The following RTN4 variants were observed in gnomAD, a reference collection of about 807,000 sequenced individuals.
The protein encoded by RTN4 is reticulon-4.
RTN4 carries 32 observed loss-of-function variants against 90.4 expected under a neutral mutation model. The ratio of observed to expected loss-of-function variants is 0.35; its 90% CI spans 0.27 to 0.48. The LOEUF is 0.48. Among genes scored for constraint, RTN4 ranks in the 20% least tolerant of loss-of-function variants. RTN4 has a pLI of 0.99. For synonymous variants in RTN4, 629 were observed against 552.5 expected, an observed-to-expected ratio of 1.14 and a Z score of -1.94; for missense variants, 1,706 against 1,430.2, an observed-to-expected ratio of 1.19 and a Z score of -3.11.
At chr2:54,982,979 G>T (rs899737981) in intron 4 of RTN4, among the ~76,000 whole-genome samples, 1 of 151,894 alleles carries the variant, frequency 6.6e-6, no homozygotes, top group African/African-American at 2.4e-5. Flanking sequence ...ATAAAGTGGA[G>T]ATTATCATGA....
rs1487959519 is a variant in RTN4 at position 55,025,886 on chromosome 2, G to C, written c.2213C>G (p.Ser738Cys). The change falls in exon 3 of 9, where the codon TCC (serine) becomes TGC (cysteine). Residue 738 changes from serine to cysteine, a missense_variant. Physicochemically the swap from Ser to Cys is moderately radical, Grantham distance 112. Transcript: ENST00000337526. ...GTCAACTGGTTCAGAATCAGGTGAGGAATCTTCAACTAGCTCAGAATGATC... is the reference window on the plus strand; with the variant it reads ...GTCAACTGGTTCAGAATCAGGTGAGCAATCTTCAACTAGCTCAGAATGATC... ...VPDHSELVED[S>C]SPDSEPVDLF... 1.2e-6 allele frequency: 2 copies of C among 1,613,668 alleles called. No individual in the cohort carries two copies. Among genetic ancestry groups the C allele is most frequent in the Admixed American group, 3.3e-5 (2 of 59,942 alleles).
chr2:55,129,843 G>A, the RTN4 span, among the ~76,000 whole-genome samples: 8 of 152,142 alleles, frequency 5.3e-5, no homozygotes, highest in Admixed American at 1.3e-4. Context: ...TTACAGGCGT[G>A]AGCCACCGTG....
chr2:55,085,788 C>T (rs1346746009), intron 1 of RTN4, among the ~76,000 whole-genome samples: 3 of 152,140 alleles, frequency 2.0e-5, no homozygotes, highest in South Asian at 4.1e-4. Flanking sequence ...AAGGCCTGGC[C>T]CCTTTCTAAC....
At position 55,049,945 on chromosome 2, in the gene RTN4, G is replaced by C. The variant is rs1668006965; in HGVS notation, c.356C>G (p.Ala119Gly). 8.1e-6 allele frequency: 11 copies of C among 1,350,850 alleles called. 1 individual carries two copies. The South Asian group carries it at 2.0e-4, about 24-fold the overall frequency. The allele number at this position is 1,350,850 out of a possible 1,614,324, so 83.7% of individuals were successfully genotyped here. A position where few individuals can be genotyped will look rare whatever the true frequency, so the allele number is the denominator to read the frequency against. Residue 119 changes from alanine (A) to glycine (G), a missense_variant, in exon 1 of 9, where the codon GCG (alanine) becomes GGG (glycine). Physicochemically the swap from Ala to Gly is moderately conservative, Grantham distance 60 (BLOSUM62 0). Transcript: ENST00000337526. ...TGCGGCAGCAGACAGCGGGGATGGC[G>C]CGGGCACGGTCGACGACACCGGGCT... is the stretch of plus-strand genomic sequence containing the variant. ...DPSPVSSTVP[A>G]PSPLSAAAVS...
intron 1 of RTN4, among the ~76,000 whole-genome samples, chr2:55,085,898 T>C (rs2105037398): frequency 1.3e-5 from 2 of 152,346 alleles, no homozygotes; most frequent in South Asian, 4.1e-4. Flanking sequence ...AATATGTTCA[T>C]AAATACATCT....
chr2:55,033,194 T>C (rs1682448092), intron 1 of RTN4, among the ~76,000 whole-genome samples: 1 of 151,600 alleles, frequency 6.6e-6, no homozygotes, highest in South Asian at 2.1e-4. Context: ...AGGGTCAAAC[T>C]GAAAATCAAA....
At chr2:55,001,189 T>C (rs2104747445) in intron 3 of RTN4, among the ~76,000 whole-genome samples, 2 of 152,306 alleles carry the variant, frequency 1.3e-5, no homozygotes, top group South Asian at 4.1e-4. Flanking sequence ...CAATGTTTAC[T>C]ATTCATTTTA....
In RTN4 at chr2:54,974,506, C is replaced by A. The variant is rs551192845; in HGVS notation, c.3430+189G>T. ...ATGTTAGCCAGGCTGGTCTCGAACT[C>A]CTGGCCCCAGGTGATCCGCCCACCT... On this transcript the variant is annotated intron_variant, in intron 6 of 8. Transcript: ENST00000337526. Among the ~76,000 whole-genome samples, 114 of 152,362 alleles carry A rather than the reference C, an allele frequency of 7.5e-4. No individual in the cohort carries two copies. The Middle Eastern group carries it at 0.017, about 23-fold the overall frequency.
At chr2:55,131,453 C>T in the RTN4 span, among the ~76,000 whole-genome samples, 3 of 152,088 alleles carry the variant, frequency 2.0e-5, no homozygotes, top group African/African-American at 7.2e-5. Flanking sequence ...AGTGATCCTT[C>T]CTCCTGGGCC....
intron 2 of RTN4, among the ~76,000 whole-genome samples, chr2:55,061,298 A>G (rs1668287388): frequency 6.6e-6 from 1 of 152,158 alleles, no homozygotes. Flanking sequence ...TCCTGACCTC[A>G]GGTGATCCAC....
intron 1 of RTN4, 30 bp downstream of exon 1, chr2:55,049,715 C>T: frequency 2.1e-6 from 3 of 1,401,864 alleles, no homozygotes; most frequent in Admixed American, 3.0e-5. Context: ...GCGCGAGGGG[C>T]GGCGCGAAGC....
intron 1 of RTN4, among the ~76,000 whole-genome samples, chr2:55,108,944 G>C (rs781569231): frequency 3.3e-5 from 5 of 152,070 alleles, no homozygotes; most frequent in Non-Finnish European, 7.3e-5. Flanking sequence ...TGTGCAAAGA[G>C]AAGATCAAGG....
chr2:54,990,931 C>T (rs1180845266), intron 3 of RTN4, among the ~76,000 whole-genome samples: 1 of 151,976 alleles, frequency 6.6e-6, no homozygotes, highest in African/African-American at 2.4e-5. Flanking sequence ...GGCAGGCGCC[C>T]GCCACCATGC....
intron 1 of RTN4, among the ~76,000 whole-genome samples, chr2:55,083,496 CAAA>C (rs1364728987): frequency 6.7e-6 from 1 of 149,204 alleles, no homozygotes; most frequent in Non-Finnish European, 1.5e-5. Flanking sequence ...GACTCCGTCT[CAAA>C]GAAGAAAAAA....
At chr2:55,024,440 T>A (rs1013768291) in intron 3 of RTN4, among the ~76,000 whole-genome samples, 1 of 152,038 alleles carries the variant, frequency 6.6e-6, no homozygotes, top group Non-Finnish European at 1.5e-5. Context: ...CGCAGCTAAA[T>A]CAGAATGCTA....
At chr2:55,049,660 G>C in intron 1 of RTN4, 85 bp downstream of exon 1, 1 of 1,531,402 alleles carries the variant, frequency 6.5e-7, no homozygotes, top group Non-Finnish European at 8.8e-7. Flanking sequence ...GCGGAGAGGA[G>C]GGACCAGCCC....
chr2:55,057,852 G>A (rs936236937), intron 2 of RTN4, among the ~76,000 whole-genome samples: 7 of 152,134 alleles, frequency 4.6e-5, no homozygotes, highest in Non-Finnish European at 7.4e-5. Context: ...GTGTGATTGT[G>A]CATGCATGTG....
intron 1 of RTN4, among the ~76,000 whole-genome samples, chr2:55,088,056 A>C (rs1347067805): frequency 1.3e-5 from 2 of 152,222 alleles, no homozygotes. Flanking sequence ...GCCTGACTGC[A>C]TGCAGATGTC....
At chr2:54,975,583 T>C (rs879781288) in intron 5 of RTN4, among the ~76,000 whole-genome samples, 2 of 152,174 alleles carry the variant, frequency 1.3e-5, no homozygotes, top group Non-Finnish European at 2.9e-5. Context: ...GTCGTTGTCA[T>C]AACCCTTTAA....
Sources: gnomAD v4.1 joint callset for allele counts (sites outside exome capture counted in the v4.1 genomes callset) on GRCh38, gnomAD v4.1.1 for gene constraint, MANE v1.5 for transcripts, NCBI Gene and HGNC (gene_info 2026-07-23, HGNC 2026-07-21) for gene names.